The following HERC1 variants were observed in gnomAD, a reference collection of about 807,000 sequenced individuals.
HERC1 encodes the protein probable E3 ubiquitin-protein ligase HERC1.
In HERC1, 160 loss-of-function variants were observed where a neutral mutation model predicts 554.3. That is an observed-to-expected ratio of 0.29 (90% CI 0.25 to 0.33). The LOEUF (loss-of-function observed/expected upper bound fraction) is 0.33. Ranked by LOEUF, HERC1 falls within the 10% of genes least tolerant of loss-of-function variation. The pLI is 1.00. For missense variants in HERC1, 4,919 were observed against 5,918.5 expected, an observed-to-expected ratio of 0.83 and a Z score of 5.54; for synonymous variants, 2,175 against 2,131.7, an observed-to-expected ratio of 1.02 and a Z score of -0.56.
At chr15:63,653,913 C>T (rs965340209) in intron 51 of HERC1, among the ~76,000 whole-genome samples, 1 of 152,110 alleles carries the variant, frequency 6.6e-6, no homozygotes, top group African/African-American at 2.4e-5. Flanking sequence ...TTCTCCAATT[C>T]GTATACTATT....
At chr15:63,615,702 C>T in intron 76 of HERC1, 66 bp downstream of exon 76, 1 of 1,349,114 alleles carries the variant, frequency 7.4e-7, no homozygotes, top group Non-Finnish European at 1.0e-6. Flanking sequence ...TTGGCATACC[C>T]AGTCAGCTCT....
At chr15:63,687,271 G>A (rs1276665191) in intron 33 of HERC1, among the ~76,000 whole-genome samples, 2 of 152,148 alleles carry the variant, frequency 1.3e-5, no homozygotes, top group African/African-American at 2.4e-5. Flanking sequence ...CAGGTGTGGT[G>A]GCTCACACTT....
In HERC1 at chr15:63,678,225, A is replaced by T. The variant is rs1434073693; in HGVS notation, c.6690T>A (p.Thr2230=). 6 of 1,613,786 alleles carry T rather than the reference A, an allele frequency of 3.7e-6. No homozygotes were observed. The highest frequency in any genetic ancestry group is 5.1e-6 in the Non-Finnish European group (6 of 1,179,844). The change falls in exon 37 of 78, where the codon ACT becomes ACA. Residue 2230 remains threonine, a synonymous_variant. Transcript: ENST00000443617. ...IRILHRTDRW[T]YCINKKMMER... ...CCATCATTTTTTTGTTAATGCAGTAAGTCCAACGGTCTGTTCGGTGAAGGA... is the reference window on the plus strand; with the variant it reads ...CCATCATTTTTTTGTTAATGCAGTATGTCCAACGGTCTGTTCGGTGAAGGA...
At chr15:63,731,885 C>T (rs2074309889) in intron 14 of HERC1, among the ~76,000 whole-genome samples, 1 of 152,100 alleles carries the variant, frequency 6.6e-6, no homozygotes, top group Non-Finnish European at 1.5e-5. Flanking sequence ...AGTCTTACAT[C>T]ACAGATTGGT....
rs769841535 is a variant in HERC1, at chr15:63,654,187, T to C, written c.10222A>G (p.Thr3408Ala). 2 of 1,614,010 alleles carry C rather than the reference T, an allele frequency of 1.2e-6. No individual in the cohort carries two copies. Among genetic ancestry groups the C allele is most frequent in the Non-Finnish European group, 1.7e-6 (2 of 1,179,870 alleles). The change falls in exon 51 of 78, where the codon ACA (threonine) becomes GCA (alanine). Residue 3408 changes from threonine (T) to alanine (A), a missense_variant. Transcript: ENST00000443617. ...HDRDNQTTLQ[T>A]LADMGGDLRK... is the part of the protein sequence containing the mutation. Reference sequence around the variant, plus strand: ...AGATCTCCTCCCATATCAGCAAGTGTCTGCAGAGTAGTTTGGTTGTCACGG... The same window carrying C: ...AGATCTCCTCCCATATCAGCAAGTGCCTGCAGAGTAGTTTGGTTGTCACGG...
At chr15:63,645,806 C>T (rs2069308161) in intron 55 of HERC1, 124 bp from the exon 56 acceptor site, 1 of 633,298 alleles carries the variant, frequency 1.6e-6, no homozygotes, top group Non-Finnish European at 2.6e-6. Context: ...ATTTTGAAAT[C>T]AATATTTTAT....
rs1459969330 is a variant in HERC1 at position 63,661,997 on chromosome 15, C to G, written c.8926G>C (p.Glu2976Gln). The change falls in exon 45 of 78, where the codon GAA (glutamate) becomes CAA (glutamine). Residue 2976 changes from glutamate to glutamine, a missense_variant. Glu to Gln is a conservative substitution (Grantham distance 29). Coordinates refer to ENST00000443617, the MANE Select transcript of HERC1 (RefSeq NM_003922.4). ...CACAGTTCACACACCACCACTTCTTCCCTGTCTTCAGACTCACAAACATGC... is the reference window on the plus strand; with the variant it reads ...CACAGTTCACACACCACCACTTCTTGCCTGTCTTCAGACTCACAAACATGC... ...TWHVCESEDR[E>Q]EVVVCELCEC... The G allele has an allele frequency of 1.2e-6, 2 of 1,613,490 alleles. No homozygotes were observed. Among genetic ancestry groups the G allele is most frequent in the Non-Finnish European group, 8.5e-7 (1 of 1,179,462 alleles).
At chr15:63,632,487 T>G (rs574554562) in intron 68 of HERC1, 4 of 602,838 alleles carry the variant, frequency 6.6e-6, no homozygotes, top group Non-Finnish European at 1.2e-5. Context: ...CTAGCAAGAG[T>G]GCTGGCTCTG....
intron 64 of HERC1, 123 bp downstream of exon 64, chr15:63,637,382 A>T: frequency 1.3e-6 from 1 of 794,902 alleles, no homozygotes. Context: ...ATAAGGATTT[A>T]AATGTAAGTG....
Position 63,746,996 on chromosome 15 carries a change from A to C in HERC1, c.2442T>G (p.Ile814Met), listed in dbSNP as rs2075078395. 6.3e-7 allele frequency: 1 copy of C among 1,575,590 alleles called. No individual in the cohort carries two copies. The highest frequency in any genetic ancestry group is 1.9e-5 in the Admixed American group (1 of 53,970). ...LALAGGVATS[I>M]LGRQAGPLRN... Reference sequence around the variant, plus strand: ...GAAGTGGACCTGCCTGCCTCCCGAGAATGCTGGTAGCTACCCCTCCCGCAA... The same window carrying C: ...GAAGTGGACCTGCCTGCCTCCCGAGCATGCTGGTAGCTACCCCTCCCGCAA... The change falls in exon 12 of 78, where the codon ATT becomes ATG. Residue 814 changes from isoleucine (I) to methionine (M), a missense_variant. Physicochemically the swap from Ile to Met is conservative, Grantham distance 10. Transcript: ENST00000443617.
At chr15:63,714,694 G>A (rs2073466591) in intron 22 of HERC1, among the ~76,000 whole-genome samples, 1 of 151,586 alleles carries the variant, frequency 6.6e-6, no homozygotes, top group Non-Finnish European at 1.5e-5. Flanking sequence ...TATTACAGAT[G>A]CGCGCCACCA....
At chr15:63,674,246 T>G (rs1386953622) in intron 38 of HERC1, 96 bp downstream of exon 38, 1 of 1,099,054 alleles carries the variant, frequency 9.1e-7, no homozygotes, top group East Asian at 2.9e-5. Context: ...AATTTTTTTT[T>G]TTTTACAAAT....
At chr15:63,735,210 T>C (rs944042680) in intron 12 of HERC1, among the ~76,000 whole-genome samples, 1 of 152,034 alleles carries the variant, frequency 6.6e-6, no homozygotes, top group Non-Finnish European at 1.5e-5. Flanking sequence ...CAAGAAAGTA[T>C]AAATGTGAAA....
At chr15:63,751,944 C>T (rs1223009392) in intron 8 of HERC1, among the ~76,000 whole-genome samples, 1 of 151,908 alleles carries the variant, frequency 6.6e-6, no homozygotes, top group Non-Finnish European at 1.5e-5. Context: ...CACTTGTATG[C>T]AAAGCAGAAA....
At chr15:63,754,380 T>G in intron 7 of HERC1, 125 bp downstream of exon 7, 3 of 568,138 alleles carry the variant, frequency 5.3e-6, no homozygotes, top group Non-Finnish European at 8.2e-6. Context: ...AAAGCTCAGT[T>G]CATTTTTTAA....
At chr15:63,792,021 T>G (rs1220401195) in intron 1 of HERC1, among the ~76,000 whole-genome samples, 1 of 152,180 alleles carries the variant, frequency 6.6e-6, no homozygotes, top group African/African-American at 2.4e-5. Flanking sequence ...CTGATTTAAT[T>G]TTTCATTTTT....
At chr15:63,625,512 G>A (rs1030177891) in intron 71 of HERC1, among the ~76,000 whole-genome samples, 1 of 151,962 alleles carries the variant, frequency 6.6e-6, no homozygotes, top group Non-Finnish European at 1.5e-5. Flanking sequence ...TGACTAACAT[G>A]GTGAAACCCC....
chr15:63,637,712 A>G (rs2068844292), intron 63 of HERC1, 69 bp from the exon 64 acceptor site: 5 of 1,281,438 alleles, frequency 3.9e-6, no homozygotes, highest in African/African-American at 1.5e-5. Flanking sequence ...AGCACTTGAA[A>G]TGATTCCACG....
At chr15:63,621,451 T>G (rs1220028852) in intron 74 of HERC1, among the ~76,000 whole-genome samples, 12 of 152,230 alleles carry the variant, frequency 7.9e-5, no homozygotes, top group Non-Finnish European at 1.5e-5. Flanking sequence ...TCAACTTTGG[T>G]GAATCTGACA....
Sources: gnomAD v4.1 joint callset for allele counts (sites outside exome capture counted in the v4.1 genomes callset) on GRCh38, gnomAD v4.1.1 for gene constraint, MANE v1.5 for transcripts, NCBI Gene and HGNC (gene_info 2026-07-23, HGNC 2026-07-21) for gene names.